CNTNAP4: variants seen among roughly 807,000 people sequenced by gnomAD.
The protein encoded by CNTNAP4 is contactin associated protein family member 4.
CNTNAP4 carries 98 observed loss-of-function variants against 148.4 expected under a neutral mutation model. That is an observed-to-expected ratio of 0.66 (90% CI 0.56 to 0.78). The LOEUF is 0.78. Ranked by LOEUF, CNTNAP4 falls within the 30% of genes least tolerant of loss-of-function variation. The probability of loss-of-function intolerance (pLI) is 0.00; values close to 1 mark genes in which losing one functional copy is unlikely to be tolerated. For missense variants in CNTNAP4, 1,935 were observed against 1,565.6 expected, an observed-to-expected ratio of 1.24 and a Z score of -3.98; for synonymous variants, 730 against 565.1, an observed-to-expected ratio of 1.29 and a Z score of -4.14.
intron 3 of CNTNAP4, among the ~76,000 whole-genome samples, chr16:76,424,009 C>T (rs2079286120): frequency 6.6e-6 from 1 of 152,116 alleles, no homozygotes; most frequent in Admixed American, 6.6e-5. Context: ...TCCCCAACCT[C>T]ACAATTTTCC....
At chr16:76,380,801 G>A (rs1405940681) in intron 3 of CNTNAP4, among the ~76,000 whole-genome samples, 3 of 152,134 alleles carry the variant, frequency 2.0e-5, no homozygotes, top group African/African-American at 4.8e-5. Context: ...TACCGAGGGT[G>A]GAACCACTGC....
At chr16:76,536,424 G>A (rs536102577) in intron 18 of CNTNAP4, among the ~76,000 whole-genome samples, 5 of 152,010 alleles carry the variant, frequency 3.3e-5, no homozygotes, top group Non-Finnish European at 7.4e-5. Flanking sequence ...TCAAGTTCCC[G>A]ACCTCAAGTA....
intron 3 of CNTNAP4, among the ~76,000 whole-genome samples, chr16:76,413,279 A>C (rs1402488720): frequency 6.6e-6 from 1 of 151,334 alleles, no homozygotes; most frequent in Admixed American, 6.6e-5. Context: ...GCCTCTAGTA[A>C]CCATCTGTCT....
At chr16:76,407,780 C>G (rs1180682149) in intron 3 of CNTNAP4, among the ~76,000 whole-genome samples, 1 of 152,088 alleles carries the variant, frequency 6.6e-6, no homozygotes. Flanking sequence ...ATTACATGAA[C>G]TTAGTTGATA....
At chr16:76,503,530 ATATT>A (rs1256094751) in intron 15 of CNTNAP4, among the ~76,000 whole-genome samples, 1 of 152,180 alleles carries the variant, frequency 6.6e-6, no homozygotes, top group Non-Finnish European at 1.5e-5. Context: ...AGTGAATTAT[ATATT>A]TTTTATTATT....
chr16:76,347,831 A>G (rs1421579425), intron 2 of CNTNAP4, among the ~76,000 whole-genome samples: 1 of 151,666 alleles, frequency 6.6e-6, no homozygotes, highest in African/African-American at 2.4e-5. Context: ...GAAGGTAGAG[A>G]TGATATGGGG....
In CNTNAP4 at chr16:76,451,098, G is replaced by A. The variant is rs574766489; in HGVS notation, c.1071+1240G>A. The stretch of plus-strand genomic sequence containing the variant: ...GGCCTGGGCTTGCTGTCGGTCGGTT[G>A]GGCCAGCTGTCAGGAAGAAGAGATG... On this transcript the variant is annotated intron_variant, in intron 7 of 23. Coordinates refer to ENST00000611870, the MANE Select transcript of CNTNAP4 (RefSeq NM_033401.5). 9.2e-5 allele frequency among the ~76,000 whole-genome samples: 14 copies of A among 152,292 alleles called. No homozygotes were observed. In the East Asian group the frequency reaches 2.3e-3, roughly 25 times the overall value.
chr16:76,318,696 T>C (rs1285368466), intron 2 of CNTNAP4, among the ~76,000 whole-genome samples: 2 of 135,084 alleles, frequency 1.5e-5, no homozygotes, highest in Non-Finnish European at 3.4e-5. Context: ...ATATTTCTCA[T>C]AATGATTTAT....
At chr16:76,339,570 CAA>C (rs760609172) in intron 2 of CNTNAP4, among the ~76,000 whole-genome samples, 3 of 152,148 alleles carry the variant, frequency 2.0e-5, no homozygotes, top group African/African-American at 2.4e-5. Context: ...AGAAATGACA[CAA>C]AGAGAATTTA....
At chr16:76,447,827 A>T (rs1410507135) in intron 4 of CNTNAP4, among the ~76,000 whole-genome samples, 185 bp from the exon 5 acceptor site, 1 of 152,238 alleles carries the variant, frequency 6.6e-6, no homozygotes, top group African/African-American at 2.4e-5. Context: ...ATGCATTTTC[A>T]ACTAACAATA....
chr16:76,458,987 C>T (rs758086297), intron 8 of CNTNAP4, among the ~76,000 whole-genome samples: 6 of 151,582 alleles, frequency 4.0e-5, no homozygotes, highest in Non-Finnish European at 7.4e-5. Context: ...AATTTATTTT[C>T]ATCATATTTT....
At chr16:76,440,285 C>G (rs1304810804) in intron 4 of CNTNAP4, among the ~76,000 whole-genome samples, 1 of 152,052 alleles carries the variant, frequency 6.6e-6, no homozygotes, top group African/African-American at 2.4e-5. Flanking sequence ...TCATGACCTT[C>G]AAATACAGTT....
At chr16:76,283,479 C>A (rs934609367) in intron 1 of CNTNAP4, among the ~76,000 whole-genome samples, 2 of 151,904 alleles carry the variant, frequency 1.3e-5, no homozygotes, top group African/African-American at 4.8e-5. Flanking sequence ...TACGTAGTCA[C>A]AAAATAGAAT....
chr16:76,468,568 C>A (rs1218760207), intron 10 of CNTNAP4, among the ~76,000 whole-genome samples: 2 of 152,102 alleles, frequency 1.3e-5, no homozygotes, highest in Admixed American at 6.5e-5. Flanking sequence ...GCTCACTGCA[C>A]CCTCCACCTC....
intron 21 of CNTNAP4, among the ~76,000 whole-genome samples, chr16:76,548,732 C>A (rs1398608081): frequency 6.6e-6 from 1 of 152,096 alleles, no homozygotes; most frequent in Non-Finnish European, 1.5e-5. Flanking sequence ...CTGTTTTATC[C>A]AGATTTCTGT....
At chr16:76,432,750 T>G (rs1437844466) in intron 4 of CNTNAP4, among the ~76,000 whole-genome samples, 1 of 152,138 alleles carries the variant, frequency 6.6e-6, no homozygotes, top group Non-Finnish European at 1.5e-5. Flanking sequence ...TTAGTGTAAA[T>G]TCTAATTTCC....
intron 8 of CNTNAP4, among the ~76,000 whole-genome samples, chr16:76,458,758 C>G (rs2080829565): frequency 6.6e-6 from 1 of 152,130 alleles, no homozygotes; most frequent in African/African-American, 2.4e-5. Context: ...GGCCACAGAC[C>G]TGGTATCGGT....
At chr16:76,547,683 C>T (rs1385950403) in intron 21 of CNTNAP4, among the ~76,000 whole-genome samples, 1 of 152,166 alleles carries the variant, frequency 6.6e-6, no homozygotes, top group Non-Finnish European at 1.5e-5. Context: ...TATTTTCACT[C>T]GTTCCGAGTA....
chr16:76,416,288 T>G (rs112899060), intron 3 of CNTNAP4, among the ~76,000 whole-genome samples: 1,838 of 151,478 alleles, frequency 0.012, 19 homozygotes, highest in African/African-American at 0.036. Flanking sequence ...TTTTAAAATT[T>G]CTTTCCTTCT....
Sources: gnomAD v4.1 joint callset for allele counts (sites outside exome capture counted in the v4.1 genomes callset) on GRCh38, gnomAD v4.1.1 for gene constraint, MANE v1.5 for transcripts, NCBI Gene and HGNC (gene_info 2026-07-23, HGNC 2026-07-21) for gene names.